MMP2: variants seen among roughly 807,000 people sequenced by gnomAD.
The protein encoded by MMP2 is matrix metallopeptidase 2, also known as 72 kDa type IV collagenase.
A neutral mutation model predicts 74.8 loss-of-function variants in MMP2; 39 were observed. That is an observed-to-expected ratio of 0.52 (90% CI 0.40 to 0.68). The LOEUF (loss-of-function observed/expected upper bound fraction) is 0.68, where lower values mean the gene tolerates loss of function less well. MMP2 is among the 30% of genes least tolerant of loss of function. MMP2 has a pLI of 0.00. For missense variants in MMP2, 803 were observed against 878.3 expected, an observed-to-expected ratio of 0.91 and a Z score of 1.08; for synonymous variants, 367 against 339.8, an observed-to-expected ratio of 1.08 and a Z score of -0.88.
intron 11 of MMP2, among the ~76,000 whole-genome samples, chr16:55,500,460 C>T (rs1440421786): frequency 6.8e-6 from 1 of 146,468 alleles, no homozygotes; most frequent in Non-Finnish European, 1.5e-5. Flanking sequence ...CTGTTCCTAG[C>T]ATATAGGAAC....
chr16:55,489,740 G>A lies in MMP2; in HGVS notation c.1096G>A (p.Ala366Thr), dbSNP rs377130479. The A allele has an allele frequency of 2.4e-5, 39 of 1,614,020 alleles. No homozygotes were observed. Among genetic ancestry groups the A allele is most frequent in the Middle Eastern group, 1.6e-4 (1 of 6,082 alleles). ...LGNKYESCTS[A>T]GRSDGKMWCA... ...CAACAAATATGAGAGCTGCACCAGC[G>A]CCGGCCGCAGTGACGGAAAGATGTG... The change falls in exon 7 of 13, where the codon GCC (alanine) becomes ACC (threonine). Residue 366 changes from alanine to threonine, a missense_variant. Coordinates refer to ENST00000219070, the MANE Select transcript of MMP2 (RefSeq NM_004530.6).
At chr16:55,492,053 A>C in intron 8 of MMP2, 97 bp downstream of exon 8, 548 of 1,246,004 alleles carry the variant, frequency 4.4e-4, no homozygotes, top group Middle Eastern at 1.1e-3. Flanking sequence ...GCAAGATCTC[A>C]TCCAGCCAGG....
In MMP2 at chr16:55,484,324, C is replaced by T. The variant is rs17859875; in HGVS notation, c.529+160C>T. On this transcript the variant is annotated intron_variant, in intron 3 of 12. Coordinates refer to ENST00000219070, the MANE Select transcript of MMP2 (RefSeq NM_004530.6). Reference sequence around the variant, plus strand: ...TGGTTTAGATGGGGGCAGCACAACACGGAGTGGACACTGGAGAGCCACGTT... The same window carrying T: ...TGGTTTAGATGGGGGCAGCACAACATGGAGTGGACACTGGAGAGCCACGTT... Among the ~76,000 whole-genome samples the T allele has an allele frequency of 4.1e-3, 630 of 151,986 alleles. 9 individuals carry two copies. Among genetic ancestry groups the T allele is most frequent in the African/African-American group, 0.014 (596 of 41,422 alleles).
Position 55,493,240 on chromosome 16 carries a change from T to G in MMP2, c.1419T>G (p.Ile473Met). ...CTCCTGAGATCTGCAAACAGGACAT[T>G]GTATTTGATGGCATCGCTCAGATCC... ...PVTPEICKQDIVFDGIAQIRG... is the reference protein window; with the variant it reads ...PVTPEICKQDMVFDGIAQIRG... Residue 473 changes from isoleucine to methionine, a missense_variant, in exon 9 of 13, where the codon ATT (isoleucine) becomes ATG (methionine). Ile to Met is a conservative substitution (Grantham distance 10, BLOSUM62 1). This residue lies in a region of MMP2 where 555 missense variants were observed against 592.0 expected (regional missense o/e 0.94). Transcript: ENST00000219070. 1 of 1,614,140 alleles carries G rather than the reference T, an allele frequency of 6.2e-7. No homozygotes were observed.
chr16:55,503,662 C>A (rs1407265815), intron 12 of MMP2, among the ~76,000 whole-genome samples: 2 of 152,122 alleles, frequency 1.3e-5, no homozygotes, highest in African/African-American at 4.8e-5. Flanking sequence ...TACATGCTAG[C>A]ATATTAATAG....
In MMP2 at chr16:55,479,277, TGCG is replaced by T. The variant is rs567092201; in HGVS notation, c.-183_-181del. 0.012 allele frequency: 4,576 copies of T among 377,384 alleles called. No individual in the cohort carries two copies. Among genetic ancestry groups the T allele is most frequent in the Non-Finnish European group, 0.014 (3,293 of 231,308 alleles). 23.4% of individuals were successfully genotyped at this position (377,384 alleles called of 1,614,324 possible). A position where few individuals can be genotyped will look rare whatever the true frequency, so the allele number is the denominator to read the frequency against. ...AACATACAAAGGGATTGCCAGGACC[TGCG>T]GCGGCGGCGGCGGCGGCGGGGGCTG... On this transcript the variant is annotated 5_prime_UTR_variant, in exon 1 of 13. Transcript: ENST00000219070.
intron 7 of MMP2, among the ~76,000 whole-genome samples, chr16:55,491,496 A>G (rs1246380163): frequency 6.6e-6 from 1 of 152,128 alleles, no homozygotes; most frequent in African/African-American, 2.4e-5. Context: ...TGGGGTTTTA[A>G]GTAGAAAATT....
At chr16:55,495,435 C>T (rs1962508727) in intron 9 of MMP2, among the ~76,000 whole-genome samples, 2 of 152,074 alleles carry the variant, frequency 1.3e-5, no homozygotes, top group Non-Finnish European at 1.5e-5. Context: ...TAAACTTCAA[C>T]CATGAGCAAA....
At chr16:55,492,088 T>C (rs1962423610) in intron 8 of MMP2, 132 bp downstream of exon 8, 1 of 854,352 alleles carries the variant, frequency 1.2e-6, no homozygotes, top group Non-Finnish European at 1.8e-6. Flanking sequence ...GGGCAGGAAA[T>C]GGGAGTGTTG....
At position 55,481,585 on chromosome 16, in the gene MMP2, G is replaced by A. The variant is rs544178514; in HGVS notation, c.154-1324G>A. Reference sequence around the variant, plus strand: ...GCATGCCTGCCCTCCTGGGAATGAAGCACAGCAGGTCTCAGCCTCATCTTA... The same window carrying A: ...GCATGCCTGCCCTCCTGGGAATGAAACACAGCAGGTCTCAGCCTCATCTTA... On this transcript the variant is annotated intron_variant, in intron 1 of 12. Coordinates refer to ENST00000219070, the MANE Select transcript of MMP2 (RefSeq NM_004530.6). 8 of 404,850 alleles carry A rather than the reference G, an allele frequency of 2.0e-5. No homozygotes were observed. The East Asian group carries it at 3.1e-4, about 16-fold the overall frequency. 25.1% of individuals were successfully genotyped at this position (404,850 alleles called of 1,614,324 possible). A position where few individuals can be genotyped will look rare whatever the true frequency, so the allele number is the denominator to read the frequency against.
chr16:55,498,011 T>A (rs1962572329), intron 10 of MMP2, among the ~76,000 whole-genome samples: 1 of 152,196 alleles, frequency 6.6e-6, no homozygotes, highest in African/African-American at 2.4e-5. Context: ...AAGGTGCCTC[T>A]TTATGACAGC....
At chr16:55,484,699 G>A (rs559163480) in intron 3 of MMP2, among the ~76,000 whole-genome samples, 7 of 152,294 alleles carry the variant, frequency 4.6e-5, no homozygotes, top group South Asian at 4.1e-4. Flanking sequence ...AGGAAGGGTC[G>A]TAGAACCTGG....
intron 4 of MMP2, 76 bp from the exon 5 acceptor site, chr16:55,485,528 T>A (rs1047669205): frequency 2.5e-6 from 4 of 1,610,682 alleles, no homozygotes; most frequent in African/African-American, 2.7e-5. Flanking sequence ...AAGTCACACA[T>A]CTGGGTGAGT....
chr16:55,491,698 C>G, intron 7 of MMP2, 103 bp from the exon 8 acceptor site: 1 of 1,322,544 alleles, frequency 7.6e-7, no homozygotes, highest in Non-Finnish European at 1.1e-6. Context: ...CTCAGCCTTA[C>G]TGTGGGGCTG....
chr16:55,501,932 G>A (rs1962676752), intron 11 of MMP2, among the ~76,000 whole-genome samples: 1 of 151,906 alleles, frequency 6.6e-6, no homozygotes, highest in Non-Finnish European at 1.5e-5. Context: ...GAAGTGGAGA[G>A]GCAAAGGAAT....
chr16:55,495,340 C>T (rs1162666270), intron 9 of MMP2, among the ~76,000 whole-genome samples: 1 of 152,200 alleles, frequency 6.6e-6, no homozygotes, highest in African/African-American at 2.4e-5. Flanking sequence ...AGGCTGGAGC[C>T]ATCCCTGGCC....
rs200211639 is a variant in MMP2, at chr16:55,505,493, G to A, written c.*51G>A. 58 of 1,524,400 alleles carry A rather than the reference G, an allele frequency of 3.8e-5. No homozygotes were observed. The East Asian group carries it at 9.7e-4, about 25-fold the overall frequency. The allele number at this position is 1,524,400 out of a possible 1,614,324, so 94.4% of individuals were successfully genotyped here. A position where few individuals can be genotyped will look rare whatever the true frequency, so the allele number is the denominator to read the frequency against. ...TCCTCTCCACTGCCTTCGATACACC[G>A]GGCCTGGAGAACTAGAGAAGGACCC... On this transcript the variant is annotated 3_prime_UTR_variant, in exon 13 of 13. Coordinates refer to ENST00000219070, the MANE Select transcript of MMP2 (RefSeq NM_004530.6).
chr16:55,485,369 T>A lies in MMP2; in HGVS notation c.600T>A (p.Gly200=). 2 of 1,613,978 alleles carry A rather than the reference T, an allele frequency of 1.2e-6. No homozygotes were observed. The highest frequency in any genetic ancestry group is 1.7e-6 in the Non-Finnish European group (2 of 1,179,986). Residue 200 remains glycine (G), a synonymous_variant, in exon 4 of 13, where the codon GGT becomes GGA. Transcript: ENST00000219070. ...CTCATGCCTTCGCCCCAGGCACTGG[T>A]GTTGGGGGAGACTCCCATTTTGATG... ...LLAHAFAPGT[G]VGGDSHFDDD...
At position 55,502,863 on chromosome 16, in the gene MMP2, T is replaced by G; in HGVS notation, c.1854T>G (p.Asp618Glu). ...GGAATGCCATCCCCGATAACCTGGA[T>G]GCCGTCGTGGACCTGCAGGGCGGCG... ...DAWNAIPDNL[D>E]AVVDLQGGGH... The change falls in exon 12 of 13, where the codon GAT (aspartate) becomes GAG (glutamate). Residue 618 changes from aspartate to glutamate, a missense_variant. Asp to Glu is a conservative substitution (Grantham distance 45). Coordinates refer to ENST00000219070, the MANE Select transcript of MMP2 (RefSeq NM_004530.6). 1 of 1,613,966 alleles carries G rather than the reference T, an allele frequency of 6.2e-7. No homozygotes were observed. The highest frequency in any genetic ancestry group is 1.1e-5 in the South Asian group (1 of 91,082).
Sources: gnomAD v4.1 joint callset for allele counts (sites outside exome capture counted in the v4.1 genomes callset) on GRCh38, gnomAD v4.1.1 for gene constraint, gnomAD v4.1.1 regional missense constraint, MANE v1.5 for transcripts, NCBI Gene and HGNC (gene_info 2026-07-23, HGNC 2026-07-21) for gene names.